Variants in GOLGA4 observed in about 807,000 individuals in gnomAD.
GOLGA4 encodes the protein golgin A4.
A neutral mutation model predicts 265.9 loss-of-function variants in GOLGA4; 169 were observed. The observed-to-expected ratio is 0.64, with a 90% confidence interval of 0.56 to 0.72. GOLGA4 has a LOEUF of 0.72. Ranked by LOEUF, GOLGA4 falls within the 30% of genes least tolerant of loss-of-function variation. The pLI is 0.00. For synonymous variants in GOLGA4, 923 were observed against 855.8 expected (o/e 1.08, Z -1.37); for missense variants, 2,482 against 2,483.4 (o/e 1.00, Z 0.01).
chr3:37,315,526 A>G lies in GOLGA4; in HGVS notation c.1341A>G (p.Thr447=), dbSNP rs1338162057. 2 of 1,613,912 alleles carry G rather than the reference A, an allele frequency of 1.2e-6. No homozygotes were observed. Among genetic ancestry groups the G allele is most frequent in the Non-Finnish European group, 1.7e-6 (2 of 1,179,876 alleles). ...AACAAATAAAAACTATCGAAAAAAC[A>G]AGTGAGGAGGAACGCATCAGTCTTC... ...MDEQIKTIEK[T]SEEERISLQQ... is the part of the protein sequence containing the mutation. The change falls in exon 11 of 24, where the codon ACA becomes ACG. Residue 447 remains threonine (T), a synonymous_variant. Transcript: ENST00000361924.
intron 20 of GOLGA4, among the ~76,000 whole-genome samples, chr3:37,346,321 G>T (rs1442361661): frequency 6.6e-6 from 1 of 152,020 alleles, no homozygotes; most frequent in East Asian, 1.9e-4. Flanking sequence ...TTGTTTCCCA[G>T]TAGTAACTGC....
intron 4 of GOLGA4, chr3:37,287,749 A>G (rs1578513711): frequency 6.6e-6 from 1 of 152,348 alleles, no homozygotes; most frequent in South Asian, 2.1e-4. Flanking sequence ...AAACTGAACA[A>G]ACAAAACCTG....
intron 5 of GOLGA4, 73 bp downstream of exon 5, chr3:37,289,364 G>T: frequency 1.0e-6 from 1 of 958,122 alleles, no homozygotes; most frequent in Admixed American, 2.1e-5. Context: ...GTATGTGCTA[G>T]GGTAGTTTCA....
At chr3:37,248,155 T>C (rs1228381555) in intron 1 of GOLGA4, among the ~76,000 whole-genome samples, 1 of 152,230 alleles carries the variant, frequency 6.6e-6, no homozygotes, top group African/African-American at 2.4e-5. Context: ...TCTTAAGTTT[T>C]TGTAGAGTCA....
At chr3:37,335,299 C>T (rs1578762577) in intron 17 of GOLGA4, 133 bp downstream of exon 17, 8 of 575,280 alleles carry the variant, frequency 1.4e-5, no homozygotes, top group Admixed American at 3.0e-5. Context: ...TTTTTACCTC[C>T]GTTTTATAGA....
intron 12 of GOLGA4, among the ~76,000 whole-genome samples, chr3:37,320,987 G>A (rs773561917): frequency 3.9e-5 from 6 of 152,096 alleles, no homozygotes; most frequent in Non-Finnish European, 5.9e-5. Flanking sequence ...CTTAATTTAA[G>A]TAGTGCACTT....
intron 1 of GOLGA4, chr3:37,249,805 A>C (rs2096729060): frequency 6.6e-6 from 1 of 152,206 alleles, no homozygotes; most frequent in African/African-American, 2.4e-5. Context: ...AGGTCCCAAA[A>C]GTCTGAGCTG....
Position 37,289,217 on chromosome 3 carries a change from T to G in GOLGA4, c.526-18T>G. ...CAGTTAGCTGTTTAACCAGCTTTTTTTTCTCTCTCAATTAAAGGGTATATT... is the reference window on the plus strand; with the variant it reads ...CAGTTAGCTGTTTAACCAGCTTTTTGTTCTCTCTCAATTAAAGGGTATATT... On this transcript the variant is annotated intron_variant, in intron 4 of 23. Transcript: ENST00000361924. 2 of 1,500,958 alleles carry G rather than the reference T, an allele frequency of 1.3e-6. No individual in the cohort carries two copies. Among genetic ancestry groups the G allele is most frequent in the Non-Finnish European group, 1.8e-6 (2 of 1,093,560 alleles). 93.0% of individuals were successfully genotyped at this position (1,500,958 alleles called of 1,614,324 possible). A position where few individuals can be genotyped will look rare whatever the true frequency, so the allele number is the denominator to read the frequency against.
intron 2 of GOLGA4, among the ~76,000 whole-genome samples, chr3:37,258,748 A>G (rs2096761442): frequency 6.6e-6 from 1 of 152,230 alleles, no homozygotes; most frequent in Admixed American, 6.5e-5. Context: ...TACATGAGAA[A>G]CATTCCTTCC....
intron 9 of GOLGA4, 132 bp from the exon 10 acceptor site, chr3:37,302,053 T>C: frequency 1.4e-6 from 1 of 731,340 alleles, no homozygotes; most frequent in Non-Finnish European, 2.3e-6. Context: ...CCTCCCAAAG[T>C]GCTGGGATTA....
At chr3:37,314,351 A>G (rs1251026829) in intron 10 of GOLGA4, among the ~76,000 whole-genome samples, 1 of 152,052 alleles carries the variant, frequency 6.6e-6, no homozygotes, top group Non-Finnish European at 1.5e-5. Context: ...TGGCTTCCTT[A>G]AAGACCTGGC....
chr3:37,331,009 C>T (rs182039843), intron 16 of GOLGA4, among the ~76,000 whole-genome samples: 33 of 137,108 alleles, frequency 2.4e-4, no homozygotes, highest in Non-Finnish European at 4.3e-4. Flanking sequence ...CCAGCCTGGG[C>T]GACAGAGTGA....
intron 12 of GOLGA4, 155 bp from the exon 13 acceptor site, chr3:37,321,576 C>G (rs2096954851): frequency 3.2e-6 from 2 of 633,684 alleles, no homozygotes; most frequent in Non-Finnish European, 5.4e-6. Context: ...TGCCTTGTTT[C>G]TGCAGACTAG....
At chr3:37,300,713 T>C (rs1425361481) in intron 9 of GOLGA4, among the ~76,000 whole-genome samples, 4 of 152,146 alleles carry the variant, frequency 2.6e-5, no homozygotes, top group Admixed American at 2.6e-4. Flanking sequence ...AATATATCTT[T>C]AAAATAAAAG....
chr3:37,295,896 T>A (rs1179035834), intron 6 of GOLGA4, among the ~76,000 whole-genome samples, 191 bp from the exon 7 acceptor site: 1 of 152,218 alleles, frequency 6.6e-6, no homozygotes, highest in African/African-American at 2.4e-5. Flanking sequence ...TAGGGATGAT[T>A]TAAATTATAC....
intron 11 of GOLGA4, among the ~76,000 whole-genome samples, chr3:37,318,571 A>G (rs1434599031): frequency 1.3e-5 from 2 of 151,700 alleles, no homozygotes; most frequent in East Asian, 1.9e-4. Context: ...TTTTTTTTTA[A>G]TATATATTAA....
chr3:37,296,045 A>T, intron 6 of GOLGA4, 42 bp from the exon 7 acceptor site: 1 of 1,572,270 alleles, frequency 6.4e-7, no homozygotes, highest in African/African-American at 1.4e-5. Context: ...CTACTCCCAT[A>T]GTTTTTTTTG....
At chr3:37,345,462 G>T (rs930645489) in intron 20 of GOLGA4, among the ~76,000 whole-genome samples, 3 of 152,302 alleles carry the variant, frequency 2.0e-5, no homozygotes, top group Admixed American at 2.0e-4. Flanking sequence ...TAAAGTGTGG[G>T]TTTTAAAATG....
intron 15 of GOLGA4, 93 bp downstream of exon 15, chr3:37,328,630 T>G (rs2096980106): frequency 8.8e-7 from 1 of 1,132,244 alleles, no homozygotes; most frequent in Non-Finnish European, 1.2e-6. Context: ...GTGCATTAAG[T>G]CATTAAACTG....
Sources: gnomAD v4.1 joint callset for allele counts (sites outside exome capture counted in the v4.1 genomes callset) on GRCh38, gnomAD v4.1.1 for gene constraint, MANE v1.5 for transcripts, NCBI Gene and HGNC (gene_info 2026-07-23, HGNC 2026-07-21) for gene names.